The following TAS1R2 variants were observed in gnomAD, a reference collection of about 807,000 sequenced individuals.
TAS1R2 encodes taste receptor type 1 member 2.
In TAS1R2, 47 loss-of-function variants were observed where a neutral mutation model predicts 49.3. The observed-to-expected ratio is 0.95, with a 90% confidence interval of 0.75 to 1.22. The LOEUF is 1.22. Among genes scored for constraint, TAS1R2 ranks in the 50% most tolerant of loss-of-function variants. TAS1R2 has a pLI of 0.00. For synonymous variants in TAS1R2, 479 were observed against 467.9 expected (o/e 1.02, Z -0.31); for missense variants, 1,155 against 1,122.1 (o/e 1.03, Z -0.42).
chr1:18,854,638 CG>C lies in TAS1R2; in HGVS notation c.831del (p.Asp278ThrfsTer2). 1 of 1,614,042 alleles carries C rather than the reference CG, an allele frequency of 6.2e-7. No homozygotes were observed. Among genetic ancestry groups the C allele is most frequent in the Non-Finnish European group, 8.5e-7 (1 of 1,179,984 alleles). On this transcript the variant is annotated frameshift_variant, in exon 3 of 6. Coordinates refer to ENST00000375371, the Ensembl canonical transcript of TAS1R2. LOFTEE classifies it high-confidence loss of function. This position sits in a 1 kb window ranked among gnomAD's most constrained non-coding sequence, Gnocchi z 4.9. ...TTGAAGAAGTGGTACAGGGTCAGGT[CG>C]GGCGAGAACACGACCACGACGCGCG...
chr1:18,841,594 C>G lies in TAS1R2; in HGVS notation c.1591+135G>C, dbSNP rs905149191. On this transcript the variant is annotated intron_variant, in intron 5 of 5. Transcript: ENST00000375371. The stretch of plus-strand genomic sequence containing the variant: ...GATACAAGAGGAATCAGATCTGGTC[C>G]CTGGCCTTTGGACACTCACACCCCC... The G allele has an allele frequency of 2.7e-5, 35 of 1,311,920 alleles. No individual in the cohort carries two copies. In the African/African-American group the frequency reaches 4.6e-4, roughly 17 times the overall value. 81.3% of individuals were successfully genotyped at this position (1,311,920 alleles called of 1,614,324 possible).
At chr1:18,852,251 T>C (rs1034908601) in intron 3 of TAS1R2, among the ~76,000 whole-genome samples, 14 of 151,794 alleles carry the variant, frequency 9.2e-5, no homozygotes, top group East Asian at 3.9e-4. Context: ...GCAAGGAGGG[T>C]GGGAGGTAGT....
At chr1:18,856,820 A>G (rs1046600825) in intron 2 of TAS1R2, among the ~76,000 whole-genome samples, 2 of 152,282 alleles carry the variant, frequency 1.3e-5, no homozygotes, top group African/African-American at 4.8e-5. Flanking sequence ...GATAATAGTT[A>G]TAATAATAGT....
At chr1:18,842,934 G>C (rs1933854103) in intron 4 of TAS1R2, among the ~76,000 whole-genome samples, 1 of 152,122 alleles carries the variant, frequency 6.6e-6, no homozygotes, top group South Asian at 2.1e-4. Context: ...ATTGGTAAAT[G>C]TTATGTTATA....
At chr1:18,853,695 C>G (rs940521826) in intron 3 of TAS1R2, among the ~76,000 whole-genome samples, 1 of 152,114 alleles carries the variant, frequency 6.6e-6, no homozygotes, top group Admixed American at 6.5e-5. Context: ...GTGTGCGTCT[C>G]TAATGTAAAT....
At chr1:18,840,805 A>G (rs1933810052) in intron 5 of TAS1R2, among the ~76,000 whole-genome samples, 1 of 152,212 alleles carries the variant, frequency 6.6e-6, no homozygotes, top group Non-Finnish European at 1.5e-5. Flanking sequence ...GGTCTCCTTG[A>G]CCCAGAGCCT....
Position 18,854,108 on chromosome 1 carries a change from G to A in TAS1R2, c.1257+105C>T, listed in dbSNP as rs1346201273. The A allele has an allele frequency of 1.1e-5, 13 of 1,155,748 alleles. No individual in the cohort carries two copies. Among genetic ancestry groups the A allele is most frequent in the African/African-American group, 1.5e-5 (1 of 64,518 alleles). 71.6% of individuals were successfully genotyped at this position (1,155,748 alleles called of 1,614,324 possible). A position where few individuals can be genotyped will look rare whatever the true frequency, so the allele number is the denominator to read the frequency against. On this transcript the variant is annotated intron_variant, in intron 3 of 5. Coordinates refer to ENST00000375371, the Ensembl canonical transcript of TAS1R2. This position sits in a 1 kb window ranked among gnomAD's most constrained non-coding sequence, Gnocchi z 4.9. ...GCACCAGGAAGGACTAGTGCTATGT[G>A]TCTGGAAGAATGGGATACTCATGCC...
intron 1 of TAS1R2, chr1:18,858,248 C>T (rs1406818574): frequency 6.5e-6 from 1 of 153,770 alleles, no homozygotes; most frequent in Non-Finnish European, 1.5e-5. Context: ...CCATCACCAT[C>T]ATCACTACCA....
chr1:18,859,064 C>T (rs1388678547), intron 1 of TAS1R2, among the ~76,000 whole-genome samples: 1 of 152,182 alleles, frequency 6.6e-6, no homozygotes, highest in East Asian at 1.9e-4. Context: ...CACCCCTACC[C>T]ACCACAGAAC....
At chr1:18,841,981 G>GAAA in intron 4 of TAS1R2, 129 bp from the exon 5 acceptor site, 14 of 361,478 alleles carry the variant, frequency 3.9e-5, no homozygotes, top group South Asian at 2.4e-4. Flanking sequence ...GGTGGAAACT[G>GAAA]TAGAAAAAAA....
At chr1:18,852,386 C>T (rs572594221) in intron 3 of TAS1R2, among the ~76,000 whole-genome samples, 10 of 152,322 alleles carry the variant, frequency 6.6e-5, no homozygotes, top group African/African-American at 1.7e-4. Flanking sequence ...CACAGGTCTG[C>T]GTGCATCCAA....
exon 1 of TAS1R2, chr1:18,859,501 G>A (rs1040686644): frequency 6.2e-7 from 1 of 1,614,140 alleles, no homozygotes; most frequent in Non-Finnish European, 8.5e-7. Flanking sequence ...GGCACCTGCA[G>A]GAAGTTAAGG....
intron 4 of TAS1R2, among the ~76,000 whole-genome samples, chr1:18,843,461 T>A (rs1933863474): frequency 6.6e-6 from 1 of 152,236 alleles, no homozygotes; most frequent in Non-Finnish European, 1.5e-5. Flanking sequence ...TGGAACTTTA[T>A]AAACCTCTTT....
In TAS1R2 at chr1:18,854,145, A is replaced by G; in HGVS notation, c.1257+68T>C. ...GGGATACTCATGCCCTTTCACACCC[A>G]TTTGCCCAGAACCCCAGGGGAGGAG... On this transcript the variant is annotated intron_variant, in intron 3 of 5. Transcript: ENST00000375371. The surrounding 1 kb of genome is among the most constrained non-coding windows in gnomAD (Gnocchi z 4.9). 2 of 1,494,232 alleles carry G rather than the reference A, an allele frequency of 1.3e-6. No homozygotes were observed. The highest frequency in any genetic ancestry group is 1.8e-6 in the Non-Finnish European group (2 of 1,098,672). 92.6% of individuals were successfully genotyped at this position (1,494,232 alleles called of 1,614,324 possible).
At chr1:18,849,645 C>T in intron 3 of TAS1R2, 95 bp from the exon 4 acceptor site, 1 of 1,383,518 alleles carries the variant, frequency 7.2e-7, no homozygotes, top group Non-Finnish European at 1.0e-6. Flanking sequence ...TTCCATTAGC[C>T]TTGATTTCCA....
rs1358902798 is a variant in TAS1R2, at chr1:18,855,043, C to T, written c.484-57G>A. ...TGCCCCGCTGGGTGCTCTGCCCCCA[C>T]CCCAGGGCTCTATCCACCATCATCA... On this transcript the variant is annotated intron_variant, in intron 2 of 5. Transcript: ENST00000375371. The T allele has an allele frequency of 5.8e-6, 9 of 1,557,838 alleles. No homozygotes were observed. The East Asian group carries it at 1.1e-4, about 20-fold the overall frequency.
At chr1:18,850,129 C>T (rs1042083293) in intron 3 of TAS1R2, among the ~76,000 whole-genome samples, 1 of 152,170 alleles carries the variant, frequency 6.6e-6, no homozygotes. Flanking sequence ...CCTCCCAACC[C>T]CCCATCACTC....
chr1:18,844,620 G>C (rs938301952), intron 4 of TAS1R2, among the ~76,000 whole-genome samples: 2 of 152,262 alleles, frequency 1.3e-5, no homozygotes, highest in African/African-American at 4.8e-5. Context: ...CAGGTGTGAT[G>C]GTGCATTTCT....
At chr1:18,859,533 G>T in exon 1 of TAS1R2, 10 of 1,614,216 alleles carry the variant, frequency 6.2e-6, no homozygotes, top group Non-Finnish European at 8.5e-6. Flanking sequence ...CTTCATGTTG[G>T]CATGGAGGGA....
Sources: allele counts gnomAD v4.1 joint callset (sites outside exome capture counted in the v4.1 genomes callset), GRCh38; gene constraint gnomAD v4.1.1; non-coding constraint Gnocchi (gnomAD v3.1); transcripts MANE v1.5; gene names NCBI Gene and HGNC (gene_info 2026-07-23, HGNC 2026-07-21).